WDPCP: variants seen among roughly 807,000 people sequenced by gnomAD.
WDPCP encodes the protein WD repeat containing planar cell polarity effector.
WDPCP carries 71 observed loss-of-function variants against 93.1 expected under a neutral mutation model. The observed-to-expected ratio is 0.76, with a 90% CI of 0.63 to 0.93. The LOEUF (loss-of-function observed/expected upper bound fraction) is 0.93. Ranked by LOEUF, WDPCP falls within the 40% of genes least tolerant of loss-of-function variation. The pLI, the probability that WDPCP is intolerant of heterozygous loss-of-function variation, is 0.00. For synonymous variants in WDPCP, 315 were observed against 315.0 expected (o/e 1.00, Z 0.00); for missense variants, 844 against 887.4 (o/e 0.95, Z 0.62).
chr2:63,485,026 A>G (rs1194401435), intron 4 of WDPCP, 39 bp from the exon 5 acceptor site: 1 of 1,609,426 alleles, frequency 6.2e-7, no homozygotes, highest in East Asian at 2.2e-5. Flanking sequence ...GTTAAACAAG[A>G]TTTAAAAAGG....
the WDPCP span, among the ~76,000 whole-genome samples, chr2:63,835,337 C>G: frequency 1.5e-5 from 2 of 135,446 alleles, no homozygotes; most frequent in African/African-American, 5.7e-5. Flanking sequence ...TTGCAGTGAG[C>G]AGAGACTGCA....
At chr2:63,432,574 G>C (rs1051308860) in intron 9 of WDPCP, among the ~76,000 whole-genome samples, 1 of 152,126 alleles carries the variant, frequency 6.6e-6, no homozygotes, top group African/African-American at 2.4e-5. Context: ...AGGAAATAAT[G>C]AGTCAGCAAG....
intron 2 of WDPCP, among the ~76,000 whole-genome samples, chr2:63,698,009 G>T (rs974796742): frequency 6.6e-6 from 1 of 151,882 alleles, no homozygotes; most frequent in African/African-American, 2.4e-5. Flanking sequence ...AGGCTGGAGT[G>T]CAGTGGCGTG....
intron 12 of WDPCP, among the ~76,000 whole-genome samples, chr2:63,350,382 A>T (rs1297942783): frequency 3.9e-5 from 6 of 152,006 alleles, no homozygotes; most frequent in African/African-American, 1.4e-4. Context: ...TGGCACATGT[A>T]TACCTATGTA....
intron 2 of WDPCP, among the ~76,000 whole-genome samples, chr2:63,780,235 G>T (rs1005278354): frequency 1.3e-5 from 2 of 152,110 alleles, no homozygotes; most frequent in Admixed American, 6.6e-5. Context: ...AAAGTGATTG[G>T]CAGTCGATGA....
At chr2:63,834,476 T>TA in the WDPCP span, among the ~76,000 whole-genome samples, 2 of 152,166 alleles carry the variant, frequency 1.3e-5, no homozygotes, top group Non-Finnish European at 2.9e-5. Flanking sequence ...AGAGAGGTAA[T>TA]ATAGACCAGA....
intron 2 of WDPCP, among the ~76,000 whole-genome samples, chr2:63,710,993 A>G (rs2103751236): frequency 6.6e-6 from 1 of 152,346 alleles, no homozygotes. Flanking sequence ...CAACAGGGAC[A>G]ACAGCAGTTC....
intron 14 of WDPCP, among the ~76,000 whole-genome samples, chr2:63,231,005 A>C (rs890992524): frequency 6.6e-6 from 1 of 152,114 alleles, no homozygotes; most frequent in Non-Finnish European, 1.5e-5. Flanking sequence ...TCAATAAAAT[A>C]CTGGCAAACT....
intron 3 of WDPCP, among the ~76,000 whole-genome samples, chr2:63,650,348 G>A (rs1315834942): frequency 2.0e-5 from 3 of 152,156 alleles, no homozygotes; most frequent in Admixed American, 2.0e-4. Context: ...TGCTGGTCCA[G>A]GGACCACACA....
At chr2:63,481,761 G>A (rs994105764) in intron 6 of WDPCP, among the ~76,000 whole-genome samples, 1 of 151,796 alleles carries the variant, frequency 6.6e-6, no homozygotes, top group Non-Finnish European at 1.5e-5. Flanking sequence ...AGGGGGGTGA[G>A]GGATAAAAGA....
At chr2:63,599,098 A>C in intron 3 of WDPCP, 1 of 1,489,152 alleles carries the variant, frequency 6.7e-7, no homozygotes, top group East Asian at 2.4e-5. Context: ...AGACATTTTC[A>C]GTCAAATTTT....
intron 13 of WDPCP, among the ~76,000 whole-genome samples, chr2:63,281,799 T>A (rs566044057): frequency 6.6e-6 from 1 of 152,214 alleles, no homozygotes; most frequent in Non-Finnish European, 1.5e-5. Context: ...GTAAGAATGA[T>A]ACAATGGACT....
chr2:63,828,821 C>T (rs1346076708), upstream of WDPCP, among the ~76,000 whole-genome samples: 3 of 152,094 alleles, frequency 2.0e-5, no homozygotes, highest in Non-Finnish European at 4.4e-5. Flanking sequence ...CCCTAGCCTT[C>T]CCTCTTGTGA....
chr2:63,253,862 C>T (rs140200099), intron 14 of WDPCP, among the ~76,000 whole-genome samples: 86 of 152,200 alleles, frequency 5.7e-4, no homozygotes, highest in African/African-American at 1.9e-3. Context: ...TCATTCAACC[C>T]GTTGATCCCA....
intron 12 of WDPCP, among the ~76,000 whole-genome samples, chr2:63,326,658 CAGAG>C (rs963021930): frequency 2.2e-5 from 3 of 138,748 alleles, no homozygotes; most frequent in African/African-American, 5.8e-5. Flanking sequence ...GAGGAAGTGA[CAGAG>C]AGACAGAGAG....
At chr2:63,674,161 A>AT (rs1431296496) in intron 2 of WDPCP, among the ~76,000 whole-genome samples, 1 of 152,230 alleles carries the variant, frequency 6.6e-6, no homozygotes, top group African/African-American at 2.4e-5. Context: ...CTCCTCATGG[A>AT]TAAAAAGAAC....
intron 1 of WDPCP, among the ~76,000 whole-genome samples, chr2:63,581,959 A>G (rs1256438697): frequency 1.3e-5 from 2 of 151,774 alleles, no homozygotes; most frequent in Admixed American, 6.6e-5. Flanking sequence ...ACTGGCCACT[A>G]GCTCTAGCCT....
At chr2:63,541,493 C>T (rs943233230) in intron 1 of WDPCP, among the ~76,000 whole-genome samples, 1 of 152,092 alleles carries the variant, frequency 6.6e-6, no homozygotes, top group Admixed American at 6.5e-5. Flanking sequence ...GGTTTTTCCA[C>T]CATAACATCC....
intron 17 of WDPCP, among the ~76,000 whole-genome samples, chr2:63,148,896 A>G (rs1366109809): frequency 4.6e-5 from 7 of 151,578 alleles, no homozygotes; most frequent in African/African-American, 1.7e-4. Context: ...ACACATCCCA[A>G]ACCCCAATGG....
Sources: gnomAD v4.1 joint callset for allele counts (sites outside exome capture counted in the v4.1 genomes callset) on GRCh38, gnomAD v4.1.1 for gene constraint, MANE v1.5 for transcripts, NCBI Gene and HGNC (gene_info 2026-07-23, HGNC 2026-07-21) for gene names.